Variants in STX18 observed in about 807,000 individuals in gnomAD.
STX18 encodes the protein syntaxin 18.
Under a neutral mutation model 50.1 loss-of-function variants are expected in STX18, and 40 were observed. That is an observed-to-expected ratio of 0.80 (90% CI 0.62 to 1.04). STX18 has a LOEUF of 1.04. STX18 is among the 50% of genes least tolerant of loss of function. The pLI is 0.00. For synonymous variants in STX18, 158 were observed against 151.8 expected (o/e 1.04, Z -0.30); for missense variants, 410 against 415.8 (o/e 0.99, Z 0.12).
At chr4:4,525,148 G>GCTAGAAAAGTAAA (rs1311141551) in intron 1 of STX18, among the ~76,000 whole-genome samples, 1 of 152,032 alleles carries the variant, frequency 6.6e-6, no homozygotes, top group Non-Finnish European at 1.5e-5. Flanking sequence ...AGTAACCAAT[G>GCTAGAAAAGTAAA]TTTCTTTTTG....
rs370974050 is a variant in STX18 at position 4,459,428 on chromosome 4, T to C, written c.296A>G (p.Asp99Gly). 13 of 1,614,050 alleles carry C rather than the reference T, an allele frequency of 8.1e-6. No homozygotes were observed. The African/African-American group carries it at 1.7e-4, about 22-fold the overall frequency. ...ACAGGTCCTCATGAATATCTGGGCA[T>C]CCTGGTCTATCTGGTCTCGTTCTGT... ...TDTERDQIDQDAQIFMRTCSE... is the reference protein window; with the variant it reads ...TDTERDQIDQGAQIFMRTCSE... Residue 99 changes from aspartate to glycine, a missense_variant, in exon 3 of 11, where the codon GAT (aspartate) becomes GGT (glycine). Transcript: ENST00000306200.
At chr4:4,507,059 G>A in intron 1 of STX18, 1 of 505,390 alleles carries the variant, frequency 2.0e-6, no homozygotes, top group Non-Finnish European at 3.9e-6. Context: ...TCCTAAGCCA[G>A]TGCTCAGCAA....
chr4:4,425,277 C>A (rs1725189378), intron 7 of STX18, 55 bp from the exon 8 acceptor site: 1 of 1,527,682 alleles, frequency 6.5e-7, no homozygotes, highest in Admixed American at 1.7e-5. Context: ...AGGCAAGAGT[C>A]TAGCAAGAAA....
At chr4:4,425,486 T>C (rs1199786756) in intron 7 of STX18, 7 of 574,648 alleles carry the variant, frequency 1.2e-5, no homozygotes, top group East Asian at 5.7e-5. Flanking sequence ...AGCTGACTGC[T>C]ATGGCTGTAG....
chr4:4,478,776 G>C (rs538360687), intron 1 of STX18: 1 of 152,524 alleles, frequency 6.6e-6, no homozygotes, highest in African/African-American at 2.4e-5. Flanking sequence ...TTAGAGGGAA[G>C]AGGAGAGAGC....
intron 2 of STX18, among the ~76,000 whole-genome samples, chr4:4,462,341 C>T (rs1475575256): frequency 6.6e-6 from 1 of 152,188 alleles, no homozygotes; most frequent in East Asian, 1.9e-4. Flanking sequence ...CTAATTTAAT[C>T]CTCACGAGAA....
At chr4:4,526,578 C>A (rs941964453) in intron 1 of STX18, among the ~76,000 whole-genome samples, 1 of 152,114 alleles carries the variant, frequency 6.6e-6, no homozygotes, top group African/African-American at 2.4e-5. Context: ...TCATGTGCAC[C>A]ATGGAAGATG....
intron 1 of STX18, among the ~76,000 whole-genome samples, chr4:4,516,522 A>T (rs1730275222): frequency 6.6e-6 from 1 of 152,228 alleles, no homozygotes; most frequent in Admixed American, 6.5e-5. Context: ...TGATTTTCAT[A>T]TAAGAAAAAA....
intron 1 of STX18, among the ~76,000 whole-genome samples, chr4:4,515,307 G>C (rs1158631678): frequency 6.6e-6 from 1 of 152,094 alleles, no homozygotes; most frequent in Non-Finnish European, 1.5e-5. Flanking sequence ...GTGAATAACT[G>C]TAAATACTAA....
At chr4:4,471,249 C>A (rs76899921) in intron 2 of STX18, among the ~76,000 whole-genome samples, 3 of 152,336 alleles carry the variant, frequency 2.0e-5, no homozygotes, top group Non-Finnish European at 2.9e-5. Flanking sequence ...AAACTGGTGT[C>A]ACAGACTGGG....
intron 1 of STX18, among the ~76,000 whole-genome samples, chr4:4,533,903 C>T (rs1466222669): frequency 4.6e-5 from 7 of 152,170 alleles, no homozygotes; most frequent in Non-Finnish European, 2.9e-5. Context: ...CATGCTTCTA[C>T]AACATGTGAT....
At position 4,522,735 on chromosome 4, in the gene STX18, A is replaced by G. The variant is rs186237381; in HGVS notation, c.168+19062T>C. 2.8e-3 allele frequency among the ~76,000 whole-genome samples: 434 copies of G among 152,378 alleles called. 3 individuals carry two copies. The highest frequency in any genetic ancestry group is 9.6e-3 in the African/African-American group (399 of 41,594). On this transcript the variant is annotated intron_variant, in intron 1 of 10. Transcript: ENST00000306200. The stretch of plus-strand genomic sequence containing the variant: ...TGGAAGAAACAAAGAAAAGTATAAC[A>G]AAGTCAGAGGTAAAATTAATCATCA...
intron 3 of STX18, 49 bp from the exon 4 acceptor site, chr4:4,457,549 A>C (rs1180714922): frequency 1.4e-6 from 2 of 1,400,656 alleles, no homozygotes; most frequent in African/African-American, 1.4e-5. Context: ...AATTATCCTA[A>C]AGAGCAATTC....
chr4:4,503,424 T>C (rs771080573), intron 1 of STX18, among the ~76,000 whole-genome samples: 1 of 152,210 alleles, frequency 6.6e-6, no homozygotes, highest in African/African-American at 2.4e-5. Context: ...ACACTAGTAA[T>C]AATTACAAAG....
chr4:4,509,705 C>A (rs916160759), intron 1 of STX18, among the ~76,000 whole-genome samples: 25 of 152,026 alleles, frequency 1.6e-4, no homozygotes, highest in African/African-American at 5.8e-4. Context: ...AAAAGTAATG[C>A]AAAGTAAGGG....
intron 9 of STX18, among the ~76,000 whole-genome samples, chr4:4,421,937 G>T (rs73793287): frequency 0.019 from 2,964 of 152,226 alleles, 88 homozygotes; most frequent in African/African-American, 0.068. Context: ...GAGCAGAGAC[G>T]GTGCTAGACG....
chr4:4,480,557 T>G (rs1015880867), intron 1 of STX18, among the ~76,000 whole-genome samples: 6 of 152,258 alleles, frequency 3.9e-5, no homozygotes, highest in Non-Finnish European at 8.8e-5. Context: ...TTGAATTGTT[T>G]TCATGTCTCC....
At chr4:4,466,256 A>C (rs1727616777) in intron 2 of STX18, among the ~76,000 whole-genome samples, 1 of 152,084 alleles carries the variant, frequency 6.6e-6, no homozygotes, top group Non-Finnish European at 1.5e-5. Context: ...AACATGTGAC[A>C]TGTGTGGATT....
intron 1 of STX18, among the ~76,000 whole-genome samples, chr4:4,533,350 G>T (rs1731186863): frequency 6.6e-6 from 1 of 152,172 alleles, no homozygotes; most frequent in South Asian, 2.1e-4. Context: ...CATGTAGTAA[G>T]AGACGTCAAA....
Sources: gnomAD v4.1 joint callset for allele counts (sites outside exome capture counted in the v4.1 genomes callset) on GRCh38, gnomAD v4.1.1 for gene constraint, MANE v1.5 for transcripts, NCBI Gene and HGNC (gene_info 2026-07-23, HGNC 2026-07-21) for gene names.